TTC28: variants seen among roughly 807,000 people sequenced by gnomAD.
The protein encoded by TTC28 is tetratricopeptide repeat protein 28.
A neutral mutation model predicts 198.0 loss-of-function variants in TTC28; 61 were observed. That is an observed-to-expected ratio of 0.31 (90% CI 0.25 to 0.38). The LOEUF (loss-of-function observed/expected upper bound fraction) is 0.38, where lower values mean the gene tolerates loss of function less well. TTC28 is among the 10% of genes least tolerant of loss of function. The pLI is 1.00. For synonymous variants in TTC28, 1,171 were observed against 1,297.8 expected (o/e 0.90, Z 2.10); for missense variants, 2,678 against 3,164.0 (o/e 0.85, Z 3.69).
intron 6 of TTC28, among the ~76,000 whole-genome samples, chr22:28,124,082 A>T (rs1024218490): frequency 2.6e-5 from 4 of 152,208 alleles, no homozygotes; most frequent in Non-Finnish European, 5.9e-5. Context: ...TCATTCTTAC[A>T]GTAAGCAACT....
chr22:28,676,471 C>T (rs1471850231), intron 1 of TTC28, among the ~76,000 whole-genome samples: 1 of 152,002 alleles, frequency 6.6e-6, no homozygotes, highest in Non-Finnish European at 1.5e-5. Context: ...TATTATAAAC[C>T]ACAAAATTCT....
At chr22:28,001,670 G>T in intron 14 of TTC28, 117 bp from the exon 15 acceptor site, 1 of 1,229,910 alleles carries the variant, frequency 8.1e-7, no homozygotes, top group Non-Finnish European at 1.1e-6. Flanking sequence ...TGAGGCCTGT[G>T]GGGGTGTGGG....
intron 2 of TTC28, among the ~76,000 whole-genome samples, chr22:28,395,170 G>A (rs1322383559): frequency 6.6e-6 from 1 of 152,132 alleles, no homozygotes; most frequent in Non-Finnish European, 1.5e-5. Flanking sequence ...AGATATGCAT[G>A]CATATGTATG....
At chr22:28,477,325 C>T (rs2048180862) in intron 2 of TTC28, among the ~76,000 whole-genome samples, 1 of 152,154 alleles carries the variant, frequency 6.6e-6, no homozygotes, top group South Asian at 2.1e-4. Flanking sequence ...CCCAGCATGA[C>T]TTCCCAACTG....
chr22:28,084,407 G>A lies in TTC28; in HGVS notation c.3932+9673C>T, dbSNP rs542772837. Among the ~76,000 whole-genome samples, 6 of 152,314 alleles carry A rather than the reference G, an allele frequency of 3.9e-5. No homozygotes were observed. In the South Asian group the frequency reaches 1.2e-3, roughly 32 times the overall value. The stretch of plus-strand genomic sequence containing the variant: ...CTGATACCCAGGAAAACAGGGTCTG[G>A]AGTGGACCTCCAGTAAACTCCAACA... On this transcript the variant is annotated intron_variant, in intron 12 of 22. Coordinates refer to ENST00000397906, the MANE Select transcript of TTC28 (RefSeq NM_001145418.2).
At chr22:28,349,775 G>A (rs1410678694) in intron 2 of TTC28, among the ~76,000 whole-genome samples, 2 of 152,172 alleles carry the variant, frequency 1.3e-5, no homozygotes, top group East Asian at 1.9e-4. Context: ...TTGTGATTAT[G>A]TATTGGGGCA....
intron 2 of TTC28, among the ~76,000 whole-genome samples, chr22:28,324,694 T>G (rs1255688799): frequency 6.6e-6 from 1 of 152,146 alleles, no homozygotes; most frequent in African/African-American, 2.4e-5. Context: ...TCAACACCCT[T>G]CATGTTAAAA....
At chr22:28,483,017 T>G (rs2048273551) in intron 2 of TTC28, among the ~76,000 whole-genome samples, 1 of 152,208 alleles carries the variant, frequency 6.6e-6, no homozygotes, top group African/African-American at 2.4e-5. Flanking sequence ...TTGTGAATAG[T>G]GTTACTATGC....
chr22:28,387,491 C>G (rs2146047589), intron 2 of TTC28, among the ~76,000 whole-genome samples: 1 of 152,300 alleles, frequency 6.6e-6, no homozygotes, highest in East Asian at 1.9e-4. Flanking sequence ...TTCTCCACAT[C>G]CTCTCCAGCA....
At chr22:28,282,652 C>T (rs183897416) in intron 5 of TTC28, among the ~76,000 whole-genome samples, 9 of 152,310 alleles carry the variant, frequency 5.9e-5, no homozygotes, top group Admixed American at 2.6e-4. Context: ...GCCCAAAGAG[C>T]TTCCACAAGA....
chr22:28,519,835 T>C (rs1231503011), intron 2 of TTC28, among the ~76,000 whole-genome samples: 1 of 152,222 alleles, frequency 6.6e-6, no homozygotes, highest in African/African-American at 2.4e-5. Context: ...TGGTCTCTAG[T>C]GCATTGGGCA....
intron 2 of TTC28, among the ~76,000 whole-genome samples, chr22:28,595,869 A>C (rs2050531938): frequency 6.6e-6 from 1 of 152,180 alleles, no homozygotes; most frequent in African/African-American, 2.4e-5. Flanking sequence ...GCTTGCAGTG[A>C]GCCGAGATGG....
intron 2 of TTC28, among the ~76,000 whole-genome samples, chr22:28,462,646 C>A (rs1380305657): frequency 1.1e-4 from 16 of 152,114 alleles, no homozygotes; most frequent in Admixed American, 9.8e-4. Flanking sequence ...GCTTTCCTTA[C>A]CTCAAGTCAA....
intron 14 of TTC28, among the ~76,000 whole-genome samples, 170 bp downstream of exon 14, chr22:28,014,078 T>G (rs183904429): frequency 2.0e-5 from 3 of 152,298 alleles, no homozygotes; most frequent in Admixed American, 6.5e-5. Context: ...GTGCTCCACC[T>G]TATTTTTCAA....
chr22:28,466,631 G>A, intron 2 of TTC28, among the ~76,000 whole-genome samples: 1 of 152,120 alleles, frequency 6.6e-6, no homozygotes, highest in Non-Finnish European at 1.5e-5. Flanking sequence ...TCATATAAAT[G>A]CATTAAGCCA....
intron 5 of TTC28, among the ~76,000 whole-genome samples, chr22:28,288,583 G>A (rs959973740): frequency 6.6e-6 from 1 of 152,002 alleles, no homozygotes; most frequent in Non-Finnish European, 1.5e-5. Context: ...TGAGGCAGGC[G>A]GATCACGAGG....
At chr22:28,281,681 T>C (rs1355798972) in intron 5 of TTC28, among the ~76,000 whole-genome samples, 1 of 152,238 alleles carries the variant, frequency 6.6e-6, no homozygotes, top group African/African-American at 2.4e-5. Flanking sequence ...ATACACTGTA[T>C]ACACTAGAAA....
In TTC28 at chr22:28,163,687, G is replaced by A. The variant is rs1601410023; in HGVS notation, c.934-88C>T. The A allele has an allele frequency of 2.9e-6, 4 of 1,400,532 alleles. No homozygotes were observed. In the East Asian group the frequency reaches 1.0e-4, roughly 35 times the overall value. The allele number at this position is 1,400,532 out of a possible 1,614,324, so 86.8% of individuals were successfully genotyped here. ...GCAGATAAAATTTTACAGGTTGCAA[G>A]ATGGCCGAATAGGAACAGCTCTAGT... On this transcript the variant is annotated intron_variant, in intron 5 of 22. Transcript: ENST00000397906.
intron 12 of TTC28, among the ~76,000 whole-genome samples, chr22:28,066,979 T>G (rs1940780251): frequency 6.6e-6 from 1 of 152,154 alleles, no homozygotes; most frequent in African/African-American, 2.4e-5. Flanking sequence ...CAGCCCTTTC[T>G]CCAGGAAGCC....
Sources: allele counts gnomAD v4.1 joint callset (sites outside exome capture counted in the v4.1 genomes callset), GRCh38; gene constraint gnomAD v4.1.1; transcripts MANE v1.5; gene names NCBI Gene and HGNC (gene_info 2026-07-23, HGNC 2026-07-21).